Variants in TASP1 observed in about 807,000 individuals in gnomAD.
TASP1 encodes threonine aspartase 1.
Under a neutral mutation model 56.6 loss-of-function variants are expected in TASP1, and 16 were observed. The observed-to-expected ratio is 0.28, with a 90% CI of 0.19 to 0.43. The LOEUF (loss-of-function observed/expected upper bound fraction) is 0.43. TASP1 is among the 20% of genes least tolerant of loss of function. The pLI, the probability that TASP1 is intolerant of heterozygous loss-of-function variation, is 1.00. For missense variants in TASP1, 393 were observed against 511.6 expected, an observed-to-expected ratio of 0.77 and a Z score of 2.24; for synonymous variants, 179 against 184.2, an observed-to-expected ratio of 0.97 and a Z score of 0.23.
chr20:13,462,749 G>A (rs2044101442), intron 11 of TASP1, among the ~76,000 whole-genome samples: 1 of 151,974 alleles, frequency 6.6e-6, no homozygotes, highest in Non-Finnish European at 1.5e-5. Flanking sequence ...AGTTGAAAAG[G>A]AAATTAAGGG....
chr20:13,259,992 G>A, the TASP1 span, among the ~76,000 whole-genome samples: 2 of 152,214 alleles, frequency 1.3e-5, no homozygotes, highest in Non-Finnish European at 2.9e-5. Flanking sequence ...ATGAATCCAT[G>A]AATAGAGCTA....
chr20:13,338,349 T>C, the TASP1 span, among the ~76,000 whole-genome samples: 1 of 152,146 alleles, frequency 6.6e-6, no homozygotes, highest in Non-Finnish European at 1.5e-5. Context: ...TTCATCGCCA[T>C]CTTGGTTTTG....
Position 13,435,047 on chromosome 20 carries a change from G to C in TASP1, c.1093C>G (p.Leu365Val), listed in dbSNP as rs1326858555. The change falls in exon 12 of 14, where the codon CTA becomes GTA. Residue 365 changes from leucine to valine, a missense_variant. Coordinates refer to ENST00000337743, the MANE Select transcript of TASP1 (RefSeq NM_017714.3). ...ACAATGTATATGTCTCACTTACCTAGAAGTGTCTGCTTATTTTGGGAGGAG... is the reference window on the plus strand; with the variant it reads ...ACAATGTATATGTCTCACTTACCTACAAGTGTCTGCTTATTTTGGGAGGAG... Reference protein sequence around the residue: ...PDSSQNKQTLLVEFLWSHTTE... With the variant: ...PDSSQNKQTLVVEFLWSHTTE... 1 of 1,607,254 alleles carries C rather than the reference G, an allele frequency of 6.2e-7. No individual in the cohort carries two copies. Among genetic ancestry groups the C allele is most frequent in the Non-Finnish European group, 8.5e-7 (1 of 1,175,988 alleles).
chr20:13,186,302 G>C, the TASP1 span, among the ~76,000 whole-genome samples: 1 of 152,072 alleles, frequency 6.6e-6, no homozygotes, highest in Non-Finnish European at 1.5e-5. Context: ...CTACTTTCCC[G>C]GGGGGAAAAA....
the TASP1 span, among the ~76,000 whole-genome samples, chr20:13,331,949 T>C: frequency 1.3e-5 from 2 of 152,154 alleles, no homozygotes; most frequent in Non-Finnish European, 2.9e-5. Context: ...AATGGATTAA[T>C]TGACCCATTT....
the TASP1 span, among the ~76,000 whole-genome samples, chr20:13,242,878 A>G: frequency 6.6e-6 from 1 of 152,182 alleles, no homozygotes; most frequent in African/African-American, 2.4e-5. Context: ...TGTTTTTGTC[A>G]TATACTTAAA....
chr20:13,389,983 G>A lies in TASP1; in HGVS notation c.*377C>T, dbSNP rs934149415. ...TCAGCGACAGTTGGTACCTCTTTAC[G>A]AAATAAAAAATGTTTCCTGCAACTT... On this transcript the variant is annotated 3_prime_UTR_variant, in exon 14 of 14. Transcript: ENST00000337743. The A allele has an allele frequency of 1.6e-5, 3 of 191,436 alleles. No homozygotes were observed. Among genetic ancestry groups the A allele is most frequent in the Admixed American group, 5.5e-5 (1 of 18,234 alleles). 11.9% of individuals were successfully genotyped at this position (191,436 alleles called of 1,614,324 possible). A position where few individuals can be genotyped will look rare whatever the true frequency, so the allele number is the denominator to read the frequency against.
chr20:13,372,362 T>C, the TASP1 span, among the ~76,000 whole-genome samples: 1 of 152,162 alleles, frequency 6.6e-6, no homozygotes, highest in Non-Finnish European at 1.5e-5. Flanking sequence ...TTCCTGGGTC[T>C]CTGTCTGCTG....
the TASP1 span, among the ~76,000 whole-genome samples, chr20:13,113,505 C>T: frequency 6.6e-6 from 1 of 151,990 alleles, no homozygotes; most frequent in Non-Finnish European, 1.5e-5. Context: ...GGCTAGATAC[C>T]CAGTCTGAGA....
the TASP1 span, among the ~76,000 whole-genome samples, chr20:13,136,546 G>A: frequency 1.3e-5 from 2 of 151,236 alleles, no homozygotes; most frequent in Non-Finnish European, 2.9e-5. Flanking sequence ...GTTGCAGTGA[G>A]ATTAAATCGA....
chr20:13,162,292 G>T, the TASP1 span, among the ~76,000 whole-genome samples: 1 of 152,178 alleles, frequency 6.6e-6, no homozygotes, highest in South Asian at 2.1e-4. Context: ...GGGACACACA[G>T]CATGGATGAA....
chr20:13,546,189 T>TAA (rs35738872), intron 8 of TASP1, among the ~76,000 whole-genome samples: 59 of 148,430 alleles, frequency 4.0e-4, no homozygotes, highest in African/African-American at 4.7e-4. Context: ...GGCCAAAGGT[T>TAA]AAAAAAAAAA....
intron 11 of TASP1, among the ~76,000 whole-genome samples, chr20:13,448,420 G>C (rs1343982592): frequency 6.6e-6 from 1 of 151,916 alleles, no homozygotes; most frequent in African/African-American, 2.4e-5. Context: ...TTAAACATCA[G>C]CTTGACAAAT....
intron 10 of TASP1, among the ~76,000 whole-genome samples, chr20:13,495,861 G>A (rs913484962): frequency 2.6e-5 from 4 of 152,000 alleles, no homozygotes; most frequent in Admixed American, 2.6e-4. Context: ...CAGGTCATGA[G>A]AAAAAGATAT....
the TASP1 span, chr20:13,153,956 C>A: frequency 1.9e-6 from 3 of 1,603,658 alleles, no homozygotes; most frequent in Non-Finnish European, 2.6e-6. Context: ...CCTTTACTTC[C>A]CTCTTTCTAG....
At chr20:13,604,002 C>A (rs193171005) in intron 4 of TASP1, among the ~76,000 whole-genome samples, 2 of 152,306 alleles carry the variant, frequency 1.3e-5, no homozygotes, top group African/African-American at 4.8e-5. Flanking sequence ...AGCAAGAATT[C>A]TGTTAGGCCG....
chr20:13,376,561 C>G, the TASP1 span, among the ~76,000 whole-genome samples: 1 of 152,102 alleles, frequency 6.6e-6, no homozygotes, highest in East Asian at 1.9e-4. Flanking sequence ...TATATGGGCT[C>G]TTTTTCTGGT....
At chr20:13,192,551 C>G in the TASP1 span, among the ~76,000 whole-genome samples, 2 of 151,858 alleles carry the variant, frequency 1.3e-5, no homozygotes, top group African/African-American at 4.8e-5. Flanking sequence ...CACAAACACA[C>G]ACACACAGGC....
chr20:13,159,895 A>G, the TASP1 span: 2 of 1,399,092 alleles, frequency 1.4e-6, no homozygotes, highest in Admixed American at 4.7e-5. Context: ...ATAAAAAAGA[A>G]AAAAGAAAAA....
Sources: gnomAD v4.1 joint callset for allele counts (sites outside exome capture counted in the v4.1 genomes callset) on GRCh38, gnomAD v4.1.1 for gene constraint, MANE v1.5 for transcripts, NCBI Gene and HGNC (gene_info 2026-07-23, HGNC 2026-07-21) for gene names.